RMDN2: variants seen among roughly 807,000 people sequenced by gnomAD.
RMDN2 encodes regulator of microtubule dynamics 2, also known as regulator of microtubule dynamics protein 2.
In RMDN2, 61 loss-of-function variants were observed where a neutral mutation model predicts 52.8. The ratio of observed to expected loss-of-function variants is 1.16; its 90% confidence interval spans 0.94 to 1.43. The LOEUF (loss-of-function observed/expected upper bound fraction) is 1.43, where lower values mean the gene tolerates loss of function less well. Ranked by LOEUF, RMDN2 falls within the 40% of genes most tolerant of loss-of-function variation. RMDN2 has a pLI of 0.00. For missense variants in RMDN2, 592 were observed against 475.3 expected (o/e 1.25, Z -2.28); for synonymous variants, 180 against 153.1 (o/e 1.18, Z -1.30).
intron 10 of RMDN2, among the ~76,000 whole-genome samples, chr2:38,032,137 T>C (rs1680253801): frequency 6.6e-6 from 1 of 152,228 alleles, no homozygotes; most frequent in Non-Finnish European, 1.5e-5. Context: ...CAAATTTTAA[T>C]TGTACAGTTT....
intron 2 of RMDN2, chr2:37,952,007 G>A: frequency 6.2e-7 from 1 of 1,612,998 alleles, no homozygotes; most frequent in Non-Finnish European, 8.5e-7. Context: ...CTCCAATCAT[G>A]ATTCCACAGC....
chr2:37,934,911 T>A (rs1667160012), intron 2 of RMDN2, among the ~76,000 whole-genome samples: 1 of 152,242 alleles, frequency 6.6e-6, no homozygotes, highest in Non-Finnish European at 1.5e-5. Context: ...ATATGAAGCT[T>A]TAGAAACATC....
chr2:37,990,161 AATTATT>A (rs1674584911), intron 6 of RMDN2, among the ~76,000 whole-genome samples: 5 of 130,520 alleles, frequency 3.8e-5, no homozygotes, highest in Non-Finnish European at 8.0e-5. Context: ...AAAAAAAAAA[AATTATT>A]ATTAGTCCAG....
chr2:37,964,154 C>T lies in RMDN2; in HGVS notation c.453-9886C>T, dbSNP rs561552992. Among the ~76,000 whole-genome samples, 121 of 151,158 alleles carry T rather than the reference C, an allele frequency of 8.0e-4. 1 individual carries two copies. The highest frequency in any genetic ancestry group is 1.4e-3 in the Non-Finnish European group (95 of 67,772). On this transcript the variant is annotated intron_variant, in intron 2 of 10. Coordinates refer to ENST00000354545, the MANE Select transcript of RMDN2 (RefSeq NM_001170791.3). The stretch of plus-strand genomic sequence containing the variant: ...CTTCTCAGACGGGGCGCCTGCCGGG[C>T]GGAGGGGCTCCTCACTTCTCAGACA...
chr2:38,003,865 C>A, intron 8 of RMDN2, 126 bp from the exon 9 acceptor site: 1 of 728,440 alleles, frequency 1.4e-6, no homozygotes, highest in Non-Finnish European at 2.4e-6. Flanking sequence ...TGTGAAACAA[C>A]CAACCTAAAT....
At chr2:38,001,701 G>A (rs976601663) in intron 8 of RMDN2, among the ~76,000 whole-genome samples, 1 of 152,126 alleles carries the variant, frequency 6.6e-6, no homozygotes, top group African/African-American at 2.4e-5. Flanking sequence ...CATAGAAGAA[G>A]GTATAATTGA....
intron 2 of RMDN2, among the ~76,000 whole-genome samples, chr2:37,942,297 T>C (rs1260648845): frequency 6.6e-6 from 1 of 152,142 alleles, no homozygotes; most frequent in Non-Finnish European, 1.5e-5. Flanking sequence ...AAATCACCCT[T>C]CTGCGTTGGT....
intron 2 of RMDN2, among the ~76,000 whole-genome samples, chr2:37,932,999 G>C (rs1666950022): frequency 6.6e-6 from 1 of 151,412 alleles, no homozygotes; most frequent in Non-Finnish European, 1.5e-5. Flanking sequence ...GCTGGGTGGA[G>C]GGGCTCCTCA....
Position 37,997,453 on chromosome 2 carries a change from C to T in RMDN2, c.983C>T (p.Ala328Val), listed in dbSNP as rs79599720. The T allele has an allele frequency of 5.1e-4, 826 of 1,613,794 alleles. 4 individuals are homozygous for T. In the African/African-American group the frequency reaches 9.7e-3, roughly 19 times the overall value. Residue 328 changes from alanine (A) to valine (V), a missense_variant, in exon 8 of 11, where the codon GCT (alanine) becomes GTT (valine). By Grantham distance (64) the Ala-to-Val change is moderately conservative. Transcript: ENST00000354545. ...AGCTGGATTGAGAAAAAAATGGCTG[C>T]TACTCTGTTTGGAAAAATACCATCT... ...KLSWIEKKMAATLFGKIPSST... is the reference protein window; with the variant it reads ...KLSWIEKKMAVTLFGKIPSST...
At chr2:37,994,337 C>T (rs182289864) in intron 7 of RMDN2, among the ~76,000 whole-genome samples, 4 of 152,248 alleles carry the variant, frequency 2.6e-5, no homozygotes, top group Admixed American at 6.5e-5. Flanking sequence ...TAAACTGTTA[C>T]GGCCATGTAA....
chr2:38,023,840 ATT>A (rs113520501), intron 10 of RMDN2, among the ~76,000 whole-genome samples: 12,710 of 152,234 alleles, frequency 0.083, 621 homozygotes, highest in African/African-American at 0.12. Flanking sequence ...AATTTTATAA[ATT>A]TTGACGTGTA....
intron 2 of RMDN2, among the ~76,000 whole-genome samples, chr2:37,939,134 G>T (rs1305470491): frequency 6.6e-6 from 1 of 152,038 alleles, no homozygotes; most frequent in African/African-American, 2.4e-5. Flanking sequence ...TATTTATTCT[G>T]CCTTAATTTT....
chr2:37,969,614 T>A (rs1049550114), intron 2 of RMDN2, among the ~76,000 whole-genome samples: 3 of 151,968 alleles, frequency 2.0e-5, no homozygotes, highest in Non-Finnish European at 2.9e-5. Flanking sequence ...TATTGAATAA[T>A]CTTCAAAAAA....
intron 10 of RMDN2, among the ~76,000 whole-genome samples, chr2:38,031,880 A>C (rs769535951): frequency 2.3e-4 from 35 of 152,248 alleles, no homozygotes; most frequent in Non-Finnish European, 4.3e-4. Context: ...ACCCCAACTT[A>C]AGTTTCTTGC....
chr2:37,961,142 T>C (rs1670173795), intron 2 of RMDN2, among the ~76,000 whole-genome samples: 1 of 152,162 alleles, frequency 6.6e-6, no homozygotes, highest in African/African-American at 2.4e-5. Flanking sequence ...GTTTCAAGCT[T>C]GGTGAATCTG....
At chr2:38,021,987 G>A (rs1679417729), downstream of RMDN2, among the ~76,000 whole-genome samples, 1 of 152,190 alleles carries the variant, frequency 6.6e-6, no homozygotes, top group South Asian at 2.1e-4. Flanking sequence ...ATCCAGTGAG[G>A]GAGGTGTTCT....
At chr2:38,002,655 T>A (rs1676477610) in intron 8 of RMDN2, among the ~76,000 whole-genome samples, 1 of 152,254 alleles carries the variant, frequency 6.6e-6, no homozygotes, top group Admixed American at 6.5e-5. Context: ...TCTGTTTTTT[T>A]ATTTGCCTAT....
At chr2:37,954,135 C>T (rs771181637) in intron 2 of RMDN2, among the ~76,000 whole-genome samples, 1 of 151,664 alleles carries the variant, frequency 6.6e-6, no homozygotes, top group African/African-American at 2.4e-5. Context: ...ATATTTTCTC[C>T]CAATGTGTGG....
chr2:37,972,670 G>C lies in RMDN2; in HGVS notation c.453-1370G>C, dbSNP rs895289016. Among the ~76,000 whole-genome samples, 8 of 152,306 alleles carry C rather than the reference G, an allele frequency of 5.3e-5. No individual in the cohort carries two copies. In the South Asian group the frequency reaches 6.2e-4, roughly 12 times the overall value. On this transcript the variant is annotated intron_variant, in intron 2 of 10. Coordinates refer to ENST00000354545, the MANE Select transcript of RMDN2 (RefSeq NM_001170791.3). ...CTAAAGCAAAGAGGTGTGATAAGGG[G>C]TCATTGCAGTAATCCAGATGAGATG...
Sources: gnomAD v4.1 joint callset for allele counts (sites outside exome capture counted in the v4.1 genomes callset) on GRCh38, gnomAD v4.1.1 for gene constraint, MANE v1.5 for transcripts, NCBI Gene and HGNC (gene_info 2026-07-23, HGNC 2026-07-21) for gene names.